GRM1: variants seen among roughly 807,000 people sequenced by gnomAD.
GRM1 encodes the protein metabotropic glutamate receptor 1.
In GRM1, 33 loss-of-function variants were observed where a neutral mutation model predicts 90.9. The ratio of observed to expected loss-of-function variants is 0.36; its 90% CI spans 0.28 to 0.49. The LOEUF (loss-of-function observed/expected upper bound fraction) is 0.49, where lower values mean the gene tolerates loss of function less well. Among genes scored for constraint, GRM1 ranks in the 20% least tolerant of loss-of-function variants. The pLI is 0.99. For synonymous variants in GRM1, 700 were observed against 613.2 expected (o/e 1.14, Z -2.09); for missense variants, 1,190 against 1,534.3 (o/e 0.78, Z 3.75).
chr6:146,157,897 C>T (rs1777576659), intron 1 of GRM1, among the ~76,000 whole-genome samples: 3 of 151,616 alleles, frequency 2.0e-5, no homozygotes, highest in South Asian at 2.1e-4. Flanking sequence ...GACAACCAAG[C>T]CAAAATGGGG....
chr6:146,366,544 C>T (rs142940985), intron 5 of GRM1, among the ~76,000 whole-genome samples: 13 of 152,176 alleles, frequency 8.5e-5, no homozygotes, highest in Non-Finnish European at 1.6e-4. Flanking sequence ...TATTTTCTAC[C>T]TCCATGAGAC....
intron 2 of GRM1, among the ~76,000 whole-genome samples, chr6:146,295,136 G>A (rs7769450): frequency 0.12 from 17,472 of 151,888 alleles, 2,000 homozygotes; most frequent in African/African-American, 0.3. Context: ...TTGATTGATT[G>A]TTTAGAATTG....
At chr6:146,108,356 G>A (rs1775408149) in intron 1 of GRM1, among the ~76,000 whole-genome samples, 1 of 152,152 alleles carries the variant, frequency 6.6e-6, no homozygotes, top group Non-Finnish European at 1.5e-5. Context: ...ATTAAATGAT[G>A]GGGGTGGGTC....
At chr6:146,329,114 AC>A (rs1784501627) in intron 3 of GRM1, among the ~76,000 whole-genome samples, 1 of 152,100 alleles carries the variant, frequency 6.6e-6, no homozygotes, top group South Asian at 2.1e-4. Flanking sequence ...CCATTGTCAA[AC>A]TTTTCTCTTA....
chr6:146,251,358 T>G (rs1781264973), intron 2 of GRM1, among the ~76,000 whole-genome samples: 1 of 152,218 alleles, frequency 6.6e-6, no homozygotes, highest in South Asian at 2.1e-4. Context: ...TCTTTCATAG[T>G]GCTTTTCTAA....
At chr6:146,304,981 G>T (rs146169348) in intron 3 of GRM1, 135 bp downstream of exon 3, 4 of 720,140 alleles carry the variant, frequency 5.6e-6, no homozygotes, top group Non-Finnish European at 9.9e-6. Context: ...TTTATAAAAT[G>T]CTAGAATAAG....
At chr6:146,196,597 G>A (rs960826281) in intron 2 of GRM1, among the ~76,000 whole-genome samples, 16 of 150,482 alleles carry the variant, frequency 1.1e-4, no homozygotes, top group African/African-American at 4.9e-5. Flanking sequence ...GAGCCACCAT[G>A]CCCGGCCGTT....
chr6:146,083,382 C>A (rs567668085), intron 1 of GRM1, among the ~76,000 whole-genome samples: 1 of 152,226 alleles, frequency 6.6e-6, no homozygotes, highest in African/African-American at 2.4e-5. Context: ...TCATAAATAA[C>A]TCTTTTTATT....
intron 2 of GRM1, among the ~76,000 whole-genome samples, chr6:146,266,196 A>AT (rs1781880472): frequency 1.3e-5 from 2 of 152,210 alleles, no homozygotes; most frequent in African/African-American, 4.8e-5. Flanking sequence ...TTAAAAAAAA[A>AT]ATACATATTA....
chr6:146,336,434 G>A (rs1265299984), intron 3 of GRM1, among the ~76,000 whole-genome samples: 1 of 152,178 alleles, frequency 6.6e-6, no homozygotes, highest in Non-Finnish European at 1.5e-5. Context: ...TTAGCAAGGG[G>A]TCCAGGCTTT....
At chr6:146,277,607 T>C (rs2114844098) in intron 2 of GRM1, among the ~76,000 whole-genome samples, 1 of 152,330 alleles carries the variant, frequency 6.6e-6, no homozygotes, top group East Asian at 1.9e-4. Context: ...TGCAACTGCC[T>C]TGGGGGAAGA....
intron 3 of GRM1, among the ~76,000 whole-genome samples, chr6:146,313,938 A>G (rs1473983142): frequency 6.6e-6 from 1 of 151,966 alleles, no homozygotes; most frequent in Non-Finnish European, 1.5e-5. Flanking sequence ...ACTTTAATAT[A>G]AATTGAATTT....
At chr6:146,379,393 A>G (rs958706400) in intron 5 of GRM1, among the ~76,000 whole-genome samples, 1 of 151,800 alleles carries the variant, frequency 6.6e-6, no homozygotes, top group African/African-American at 2.4e-5. Context: ...TGCTAATTGC[A>G]TTTTTCAGAT....
In GRM1 at chr6:146,361,321, C is replaced by T. The variant is rs138776888; in HGVS notation, c.1602+3627C>T. On this transcript the variant is annotated intron_variant, in intron 5 of 7. Coordinates refer to ENST00000282753, the MANE Select transcript of GRM1 (RefSeq NM_001278064.2). ...CATAACAGCAATGTCTAGAACTCTC[C>T]GAGTGCTGATAGCCAAGGGCCCAAG... Among the ~76,000 whole-genome samples the T allele has an allele frequency of 1.0e-3, 152 of 152,262 alleles. 1 individual carries two copies. Among genetic ancestry groups the T allele is most frequent in the African/African-American group, 3.3e-3 (137 of 41,560 alleles).
intron 5 of GRM1, among the ~76,000 whole-genome samples, chr6:146,375,045 C>T (rs1289990787): frequency 6.6e-6 from 1 of 151,912 alleles, no homozygotes; most frequent in African/African-American, 2.4e-5. Context: ...GCTATCCACA[C>T]TATCCATAGG....
chr6:146,329,467 C>A (rs570950706), intron 3 of GRM1, among the ~76,000 whole-genome samples: 52 of 152,242 alleles, frequency 3.4e-4, no homozygotes, highest in African/African-American at 1.1e-3. Flanking sequence ...GCTTTCTTGA[C>A]TAAGGCAGGG....
rs557964250 is a variant in GRM1, at chr6:146,434,756, T to G, written c.3545T>G (p.Val1182Gly). 1 of 1,599,966 alleles carries G rather than the reference T, an allele frequency of 6.3e-7. No homozygotes were observed. Among genetic ancestry groups the G allele is most frequent in the African/African-American group, 1.3e-5 (1 of 75,048 alleles). The change falls in exon 8 of 8, where the codon GTC becomes GGC. Residue 1182 changes from valine to glycine, a missense_variant. By Grantham distance (109) the Val-to-Gly change is moderately radical. Coordinates refer to ENST00000282753, the MANE Select transcript of GRM1 (RefSeq NM_001278064.2). ...CCTCCCAACGTATCCTACGCCTCTGTCATTCTGCGGGACTACAAGCAAAGC... is the reference window on the plus strand; with the variant it reads ...CCTCCCAACGTATCCTACGCCTCTGGCATTCTGCGGGACTACAAGCAAAGC... ...CTPPNVSYAS[V>G]ILRDYKQSSS...
intron 1 of GRM1, among the ~76,000 whole-genome samples, chr6:146,142,569 T>G (rs1776921250): frequency 6.6e-6 from 1 of 151,968 alleles, no homozygotes; most frequent in African/African-American, 2.4e-5. Context: ...ATTTACCTTG[T>G]TCTGTAGTCT....
intron 2 of GRM1, among the ~76,000 whole-genome samples, chr6:146,285,694 GGTT>G (rs1206460671): frequency 2.0e-5 from 3 of 152,062 alleles, no homozygotes; most frequent in Non-Finnish European, 4.4e-5. Flanking sequence ...TCATACTTCA[GGTT>G]GTTGTAAGAG....
Sources: gnomAD v4.1 joint callset for allele counts (sites outside exome capture counted in the v4.1 genomes callset) on GRCh38, gnomAD v4.1.1 for gene constraint, MANE v1.5 for transcripts, NCBI Gene and HGNC (gene_info 2026-07-23, HGNC 2026-07-21) for gene names.